Variants in FKBP4 observed in about 807,000 individuals in gnomAD.
FKBP4 encodes the protein peptidyl-prolyl cis-trans isomerase FKBP4.
FKBP4 carries 28 observed loss-of-function variants against 54.1 expected under a neutral mutation model. That is an observed-to-expected ratio of 0.52 (90% CI 0.38 to 0.71). The LOEUF (loss-of-function observed/expected upper bound fraction) is 0.71. Ranked by LOEUF, FKBP4 falls within the 30% of genes least tolerant of loss-of-function variation. The pLI is 0.00. For synonymous variants in FKBP4, 223 were observed against 216.1 expected, an observed-to-expected ratio of 1.03 and a Z score of -0.28; for missense variants, 493 against 574.4, an observed-to-expected ratio of 0.86 and a Z score of 1.45.
At chr12:2,801,468 C>G (rs1311376748) in intron 9 of FKBP4, 112 bp downstream of exon 9, 2 of 1,500,110 alleles carry the variant, frequency 1.3e-6, no homozygotes, top group Non-Finnish European at 9.1e-7. Flanking sequence ...CAGAAGTTGC[C>G]TTTTCCCTGG....
intron 8 of FKBP4, among the ~76,000 whole-genome samples, 176 bp from the exon 9 acceptor site, chr12:2,800,941 A>C (rs2097904400): frequency 7.3e-6 from 1 of 137,300 alleles, no homozygotes; most frequent in Non-Finnish European, 1.6e-5. Context: ...CTGTTGGATT[A>C]AATGAGGTCC....
chr12:2,800,333 T>C (rs2097904049), intron 7 of FKBP4, 59 bp from the exon 8 acceptor site: 9 of 1,542,014 alleles, frequency 5.8e-6, no homozygotes, highest in Middle Eastern at 1.7e-4. Flanking sequence ...GTCTGCAGGG[T>C]ATAAGAGCCT....
In FKBP4 at chr12:2,797,758, A is replaced by G; in HGVS notation, c.280A>G (p.Ile94Val). The G allele has an allele frequency of 1.2e-6, 2 of 1,613,844 alleles. No individual in the cohort carries two copies. Among genetic ancestry groups the G allele is most frequent in the South Asian group, 1.1e-5 (1 of 91,052 alleles). ...GGTCATCAAGGCTTGGGACATTGCC[A>G]TAGCCACCATGAAGGTGGGGGAGGT... Reference protein sequence around the residue: ...GEVIKAWDIAIATMKVGEVCH... With the variant: ...GEVIKAWDIAVATMKVGEVCH... Residue 94 changes from isoleucine (I) to valine (V), a missense_variant, in exon 3 of 10, where the codon ATA becomes GTA. By Grantham distance (29) the Ile-to-Val change is conservative. Coordinates refer to ENST00000001008, the MANE Select transcript of FKBP4 (RefSeq NM_002014.4).
At position 2,795,931 on chromosome 12, in the gene FKBP4, T is replaced by TC. The variant is rs1374192889; in HGVS notation, c.105+693dup. The TC allele has an allele frequency of 2.9e-6, 3 of 1,021,932 alleles. No individual in the cohort carries two copies. The highest frequency in any genetic ancestry group is 1.0e-4 in the East Asian group (1 of 9,906). 63.3% of individuals were successfully genotyped at this position (1,021,932 alleles called of 1,614,324 possible). A position where few individuals can be genotyped will look rare whatever the true frequency, so the allele number is the denominator to read the frequency against. On this transcript the variant is annotated intron_variant, in intron 1 of 9. Transcript: ENST00000001008. This position sits in a 1 kb window ranked among gnomAD's most constrained non-coding sequence, Gnocchi z 4.3. ...GGGCATGCCGGGAGCTGTAGTCCCC[T>TC]CCCCCCTCCGCCGCCTCCCGGAGCC...
At chr12:2,797,430 A>C in intron 2 of FKBP4, 148 bp downstream of exon 2, 2 of 892,054 alleles carry the variant, frequency 2.2e-6, no homozygotes, top group Non-Finnish European at 1.7e-6. Flanking sequence ...TTTTTTTTCT[A>C]CCGTTCTGTA....
In FKBP4 at chr12:2,800,524, A is replaced by G; in HGVS notation, c.979A>G (p.Met327Val). ...ACTGGCCTCTCACCTCAACCTGGCC[A>G]TGTGTCATCTGAAACTACAGGCCTT... Reference protein sequence around the residue: ...LRLASHLNLAMCHLKLQAFSA... With the variant: ...LRLASHLNLAVCHLKLQAFSA... The change falls in exon 8 of 10, where the codon ATG (methionine) becomes GTG (valine). Residue 327 changes from methionine (M) to valine (V), a missense_variant. Met to Val is a conservative substitution (Grantham distance 21, BLOSUM62 1). Coordinates refer to ENST00000001008, the MANE Select transcript of FKBP4 (RefSeq NM_002014.4). 6.2e-7 allele frequency: 1 copy of G among 1,614,058 alleles called. No individual in the cohort carries two copies. The highest frequency in any genetic ancestry group is 8.5e-7 in the Non-Finnish European group (1 of 1,179,986).
At position 2,795,858 on chromosome 12, in the gene FKBP4, A is replaced by G; in HGVS notation, c.105+614A>G. 1.4e-6 allele frequency: 1 copy of G among 739,344 alleles called. No homozygotes were observed. Among genetic ancestry groups the G allele is most frequent in the Non-Finnish European group, 1.7e-6 (1 of 604,392 alleles). The allele number at this position is 739,344 out of a possible 1,614,324, so 45.8% of individuals were successfully genotyped here. On this transcript the variant is annotated intron_variant, in intron 1 of 9. Coordinates refer to ENST00000001008, the MANE Select transcript of FKBP4 (RefSeq NM_002014.4). The surrounding 1 kb of genome is among the most constrained non-coding windows in gnomAD (Gnocchi z 4.3). ...GACGCCGGGACCCAGCGAGGTCCCC[A>G]CTCGCCGCGCGGCGCCCCCTCCCTC... is the stretch of plus-strand genomic sequence containing the variant.
Position 2,803,481 on chromosome 12 carries a change from A to G in FKBP4, c.*223A>G, listed in dbSNP as rs184572826. The G allele has an allele frequency of 3.6e-6, 2 of 548,362 alleles. No individual in the cohort carries two copies. The highest frequency in any genetic ancestry group is 3.8e-5 in the African/African-American group (2 of 53,154). 34.0% of individuals were successfully genotyped at this position (548,362 alleles called of 1,614,324 possible). A position where few individuals can be genotyped will look rare whatever the true frequency, so the allele number is the denominator to read the frequency against. On this transcript the variant is annotated 3_prime_UTR_variant, in exon 10 of 10. Coordinates refer to ENST00000001008, the MANE Select transcript of FKBP4 (RefSeq NM_002014.4). ...CCCCTCTTCCCTTCCTCCATTGCAC[A>G]TGAACATATGTCCATCCATATATAT...
In FKBP4 at chr12:2,798,767, G is replaced by A. The variant is rs746593810; in HGVS notation, c.455G>A (p.Arg152His). 15 of 1,614,078 alleles carry A rather than the reference G, an allele frequency of 9.3e-6. No homozygotes were observed. The highest frequency in any genetic ancestry group is 8.9e-5 in the East Asian group (4 of 44,892). The change falls in exon 4 of 10, where the codon CGC becomes CAC. Residue 152 changes from arginine to histidine, a missense_variant. Coordinates refer to ENST00000001008, the MANE Select transcript of FKBP4 (RefSeq NM_002014.4). The surrounding 1 kb of genome is among the most constrained non-coding windows in gnomAD (Gnocchi z 4.3). The stretch of plus-strand genomic sequence containing the variant: ...GAAGAGGAAGATGGCGGAATCATTC[G>A]CAGAATACAGACTCGCGGTGAAGGC... ...LTEEEDGGII[R>H]RIQTRGEGYA...
At chr12:2,799,305 T>C (rs2097903536) in intron 5 of FKBP4, 61 bp downstream of exon 5, 1 of 1,448,768 alleles carries the variant, frequency 6.9e-7, no homozygotes, top group Non-Finnish European at 9.1e-7. Context: ...AGATATAAAA[T>C]GAATTGTAGA....
chr12:2,797,045 C>T (rs2097902233), intron 1 of FKBP4, 93 bp from the exon 2 acceptor site: 2 of 1,546,830 alleles, frequency 1.3e-6, no homozygotes, highest in South Asian at 2.5e-5. Context: ...ACAGAGAAGT[C>T]CCTTTATGTT....
intron 9 of FKBP4, among the ~76,000 whole-genome samples, chr12:2,802,177 G>T (rs1166407739): frequency 6.6e-6 from 1 of 151,560 alleles, no homozygotes; most frequent in Non-Finnish European, 1.5e-5. Context: ...CGTTCTTGTT[G>T]CCCAGGCTGG....
chr12:2,797,046 C>G (rs2097902234), intron 1 of FKBP4, 92 bp from the exon 2 acceptor site: 1 of 1,548,408 alleles, frequency 6.5e-7, no homozygotes, highest in African/African-American at 1.4e-5. Context: ...CAGAGAAGTC[C>G]CTTTATGTTC....
chr12:2,796,477 C>T (rs2097901931), intron 1 of FKBP4: 2 of 1,215,928 alleles, frequency 1.6e-6, no homozygotes, highest in African/African-American at 3.2e-5. Context: ...TAACCACACA[C>T]CTACCAGGTG....
At chr12:2,796,786 C>A in intron 1 of FKBP4, 1 of 1,079,908 alleles carries the variant, frequency 9.3e-7, no homozygotes, top group Non-Finnish European at 1.1e-6. Flanking sequence ...ATTATTCAAC[C>A]TTTTACTGGT....
At chr12:2,796,407 T>G (rs890152999) in intron 1 of FKBP4, 29 of 1,287,174 alleles carry the variant, frequency 2.3e-5, no homozygotes, top group Non-Finnish European at 2.9e-5. Context: ...TTCCTTCCCT[T>G]TTACCTTTCT....
Position 2,795,781 on chromosome 12 carries a change from T to G in FKBP4, c.105+537T>G. ...CAGTGCTTTCCTGGCCCTTCGGCCT[T>G]TGTGCGACGCAGGCGCGACAGGGTT... is the stretch of plus-strand genomic sequence containing the variant. On this transcript the variant is annotated intron_variant, in intron 1 of 9. Coordinates refer to ENST00000001008, the MANE Select transcript of FKBP4 (RefSeq NM_002014.4). The surrounding 1 kb of genome is among the most constrained non-coding windows in gnomAD (Gnocchi z 4.3). The G allele has an allele frequency of 5.4e-6, 1 of 184,220 alleles. No homozygotes were observed. Among genetic ancestry groups the G allele is most frequent in the Non-Finnish European group, 1.0e-5 (1 of 96,968 alleles). 11.4% of individuals were successfully genotyped at this position (184,220 alleles called of 1,614,324 possible).
chr12:2,796,500 C>G (rs1215855422), intron 1 of FKBP4: 23 of 1,201,234 alleles, frequency 1.9e-5, no homozygotes, highest in Non-Finnish European at 2.4e-5. Flanking sequence ...GCTAAAGAAG[C>G]CTTTACGTTT....
At position 2,801,305 on chromosome 12, in the gene FKBP4, G is replaced by A. The variant is rs764994452; in HGVS notation, c.1221G>A (p.Glu407=). The A allele has an allele frequency of 1.2e-6, 2 of 1,614,202 alleles. No homozygotes were observed. Among genetic ancestry groups the A allele is most frequent in the South Asian group, 2.2e-5 (2 of 91,080 alleles). ...GGATCCGAAGGCAGCTTGCCCGGGA[G>A]AAGAAGCTCTATGCCAATATGTTTG... The part of the protein sequence containing the change: ...QQRIRRQLAR[E]KKLYANMFER... Residue 407 remains glutamate (E), a synonymous_variant, in exon 9 of 10, where the codon GAG becomes GAA. Coordinates refer to ENST00000001008, the MANE Select transcript of FKBP4 (RefSeq NM_002014.4).
Sources: allele counts gnomAD v4.1 joint callset (sites outside exome capture counted in the v4.1 genomes callset), GRCh38; gene constraint gnomAD v4.1.1; non-coding constraint Gnocchi (gnomAD v3.1); transcripts MANE v1.5; gene names NCBI Gene and HGNC (gene_info 2026-07-23, HGNC 2026-07-21).